SCN2A: variants seen among roughly 807,000 people sequenced by gnomAD.
SCN2A encodes the protein sodium voltage-gated channel alpha subunit 2.
SCN2A carries 20 observed loss-of-function variants against 188.7 expected under a neutral mutation model. The ratio of observed to expected loss-of-function variants is 0.11; its 90% CI spans 0.07 to 0.15. The LOEUF is 0.15. SCN2A is among the 10% of genes least tolerant of loss of function. The pLI is 1.00. For synonymous variants in SCN2A, 804 were observed against 833.1 expected, an observed-to-expected ratio of 0.97 and a Z score of 0.60; for missense variants, 1,278 against 2,445.0, an observed-to-expected ratio of 0.52 and a Z score of 10.07.
chr2:165,341,187 G>C (rs4667482), intron 14 of SCN2A, among the ~76,000 whole-genome samples: 32,840 of 152,094 alleles, frequency 0.22, 4,105 homozygotes, highest in East Asian at 0.34. Context: ...TCCGACTCCC[G>C]GGTTCATGCC....
chr2:165,284,995 A>G (rs1365165339), intron 1 of SCN2A, among the ~76,000 whole-genome samples: 1 of 152,182 alleles, frequency 6.6e-6, no homozygotes, highest in Admixed American at 6.5e-5. Flanking sequence ...AAATACAGGT[A>G]TATTTCTTTT....
intron 23 of SCN2A, among the ~76,000 whole-genome samples, chr2:165,379,220 G>A (rs1313735445): frequency 6.6e-6 from 1 of 151,420 alleles, no homozygotes; most frequent in Non-Finnish European, 1.5e-5. Flanking sequence ...GTAGAAATAG[G>A]CAAATAATTG....
At chr2:165,380,773 A>AGTTC in intron 24 of SCN2A, 44 bp downstream of exon 24, 5 of 1,403,670 alleles carry the variant, frequency 3.6e-6, no homozygotes, top group Non-Finnish European at 4.0e-6. Flanking sequence ...ATATGAACTA[A>AGTTC]ATATTTCATA....
chr2:165,350,983 T>C (rs1446273216), intron 16 of SCN2A, among the ~76,000 whole-genome samples: 1 of 152,242 alleles, frequency 6.6e-6, no homozygotes, highest in Non-Finnish European at 1.5e-5. Flanking sequence ...AGGTTCACTA[T>C]GTGCCAAGAA....
At chr2:165,294,042 T>C in intron 1 of SCN2A, 1 of 791,596 alleles carries the variant, frequency 1.3e-6, no homozygotes, top group Non-Finnish European at 1.5e-6. Context: ...AAAAAAAGAT[T>C]TTTTTTTTTT....
intron 1 of SCN2A, among the ~76,000 whole-genome samples, chr2:165,244,171 G>A (rs980353247): frequency 6.6e-6 from 1 of 152,098 alleles, no homozygotes; most frequent in Non-Finnish European, 1.5e-5. Context: ...AAACCCAGGA[G>A]GCGGAGGTTG....
intron 14 of SCN2A, among the ~76,000 whole-genome samples, chr2:165,332,720 G>C (rs749987972): frequency 1.3e-5 from 2 of 151,890 alleles, no homozygotes; most frequent in Non-Finnish European, 2.9e-5. Context: ...TGGTGGGGTG[G>C]CAATTGAAAC....
chr2:165,382,458 A>G (rs1307244175), intron 25 of SCN2A, among the ~76,000 whole-genome samples: 1 of 152,106 alleles, frequency 6.6e-6, no homozygotes, highest in Non-Finnish European at 1.5e-5. Flanking sequence ...TCCAACCAGC[A>G]GGACTGGAAC....
At chr2:165,298,361 G>A (rs1696618620) in intron 3 of SCN2A, among the ~76,000 whole-genome samples, 1 of 152,130 alleles carries the variant, frequency 6.6e-6, no homozygotes. Flanking sequence ...GTCATTTCTG[G>A]GTGGAGGGGA....
chr2:165,308,612 T>C, intron 4 of SCN2A, 54 bp from the exon 5 acceptor site: 2 of 1,584,832 alleles, frequency 1.3e-6, no homozygotes, highest in Non-Finnish European at 8.6e-7. Flanking sequence ...TTAAGATATG[T>C]ACTTGTAAAT....
chr2:165,346,427 T>A (rs1334035749), intron 16 of SCN2A, among the ~76,000 whole-genome samples: 1 of 152,154 alleles, frequency 6.6e-6, no homozygotes, highest in Non-Finnish European at 1.5e-5. Flanking sequence ...TTTTCTCTAA[T>A]CTTATCTTCA....
intron 1 of SCN2A, among the ~76,000 whole-genome samples, chr2:165,263,259 A>G (rs1243841353): frequency 6.6e-6 from 1 of 151,952 alleles, no homozygotes; most frequent in East Asian, 1.9e-4. Flanking sequence ...AGTCTCATCT[A>G]TTTATTGTTG....
rs56246310 is a variant in SCN2A, at chr2:165,331,263, T to C, written c.2150-67T>C. The stretch of plus-strand genomic sequence containing the variant: ...TTTAGATTTTTTAAATTCCTTTTAA[T>C]TTAAACCAAATCTGCTTAATAGAAA... On this transcript the variant is annotated intron_variant, in intron 13 of 26. Coordinates refer to ENST00000375437, the MANE Select transcript of SCN2A (RefSeq NM_001040142.2). 3,879 of 1,262,078 alleles carry C rather than the reference T, an allele frequency of 3.1e-3. 85 individuals are homozygous for C. In the African/African-American group the frequency reaches 0.05, roughly 16 times the overall value. 78.2% of individuals were successfully genotyped at this position (1,262,078 alleles called of 1,614,324 possible).
chr2:165,287,443 T>G (rs747183379), intron 1 of SCN2A, among the ~76,000 whole-genome samples: 1 of 152,130 alleles, frequency 6.6e-6, no homozygotes, highest in Non-Finnish European at 1.5e-5. Context: ...TGCCTCTTAA[T>G]GTGCATGCTT....
chr2:165,286,023 C>T, intron 1 of SCN2A: 1 of 193,030 alleles, frequency 5.2e-6, no homozygotes, highest in Non-Finnish European at 1.1e-5. Context: ...GAAAGGGGCC[C>T]ACAGGAGGAA....
chr2:165,259,723 T>G (rs1265905061), intron 1 of SCN2A, among the ~76,000 whole-genome samples: 1 of 152,128 alleles, frequency 6.6e-6, no homozygotes. Context: ...CTCCACCGAA[T>G]TCTTGAACCC....
intron 3 of SCN2A, among the ~76,000 whole-genome samples, chr2:165,306,376 G>A (rs1416339088): frequency 6.6e-6 from 1 of 152,040 alleles, no homozygotes; most frequent in East Asian, 1.9e-4. Flanking sequence ...CCCCAATAGG[G>A]CTCAGCAGAC....
At chr2:165,284,058 T>TC (rs1695712463) in intron 1 of SCN2A, among the ~76,000 whole-genome samples, 2 of 151,964 alleles carry the variant, frequency 1.3e-5, no homozygotes, top group African/African-American at 4.8e-5. Context: ...TCTCTCTCTC[T>TC]TTCTCTCTCT....
At chr2:165,240,170 A>T (rs1160055135) in intron 1 of SCN2A, 1 of 152,166 alleles carries the variant, frequency 6.6e-6, no homozygotes, top group Non-Finnish European at 1.5e-5. Flanking sequence ...CATTTCTCCC[A>T]CATGAATCAA....
Sources: allele counts gnomAD v4.1 joint callset (sites outside exome capture counted in the v4.1 genomes callset), GRCh38; gene constraint gnomAD v4.1.1; transcripts MANE v1.5; gene names NCBI Gene and HGNC (gene_info 2026-07-23, HGNC 2026-07-21).